The following RFC3 variants were observed in gnomAD, a reference collection of about 807,000 sequenced individuals.
The protein encoded by RFC3 is A1 38 kDa subunit.
Under a neutral mutation model 45.1 loss-of-function variants are expected in RFC3, and 41 were observed. The ratio of observed to expected loss-of-function variants is 0.91; its 90% CI spans 0.71 to 1.18. RFC3 has a LOEUF of 1.18. Ranked by LOEUF, RFC3 falls within the 50% of genes most tolerant of loss-of-function variation. The pLI, the probability that RFC3 is intolerant of heterozygous loss-of-function variation, is 0.00. For synonymous variants in RFC3, 149 were observed against 144.0 expected, an observed-to-expected ratio of 1.03 and a Z score of -0.25; for missense variants, 423 against 428.1, an observed-to-expected ratio of 0.99 and a Z score of 0.10.
intron 8 of RFC3, among the ~76,000 whole-genome samples, chr13:33,865,620 T>G (rs1278466360): frequency 6.6e-6 from 1 of 152,228 alleles, no homozygotes; most frequent in African/African-American, 2.4e-5. Context: ...TCAACCCATT[T>G]ATCATTGTAG....
chr13:33,931,187 A>G (rs552869196), intron 8 of RFC3, among the ~76,000 whole-genome samples: 2 of 152,268 alleles, frequency 1.3e-5, no homozygotes, highest in East Asian at 1.9e-4. Context: ...AGAATTTTCA[A>G]GAGCTGATGT....
chr13:33,934,494 G>A (rs2082873502), intron 8 of RFC3, among the ~76,000 whole-genome samples: 2 of 152,090 alleles, frequency 1.3e-5, no homozygotes, highest in Non-Finnish European at 2.9e-5. Flanking sequence ...GTCTTGGCTT[G>A]GGTTCCTATC....
chr13:33,897,340 A>G (rs1328241842), intron 8 of RFC3, among the ~76,000 whole-genome samples: 1 of 151,898 alleles, frequency 6.6e-6, no homozygotes, highest in African/African-American at 2.4e-5. Flanking sequence ...TAAGTCATCA[A>G]CTCTTTAAAA....
chr13:33,831,343 A>G lies in RFC3; in HGVS notation c.798A>G (p.Gln266=), dbSNP rs879096417. Reference sequence around the variant, plus strand: ...CTGCAAATGCTATTGTCAGTCAGCAAACTCCACAAAGGTACCAGTATAAAA... The same window carrying G: ...CTGCAAATGCTATTGTCAGTCAGCAGACTCCACAAAGGTACCAGTATAAAA... The part of the protein sequence containing the change: ...RETANAIVSQ[Q]TPQRLLEVRG... The change falls in exon 7 of 9, where the codon CAA becomes CAG. Residue 266 remains glutamine, a synonymous_variant. Coordinates refer to ENST00000380071, the MANE Select transcript of RFC3 (RefSeq NM_002915.4). 14 of 1,582,166 alleles carry G rather than the reference A, an allele frequency of 8.8e-6. No homozygotes were observed. The highest frequency in any genetic ancestry group is 1.1e-5 in the South Asian group (1 of 90,416).
intron 8 of RFC3, among the ~76,000 whole-genome samples, chr13:33,908,835 G>A (rs1238946033): frequency 2.0e-5 from 3 of 152,014 alleles, no homozygotes; most frequent in Non-Finnish European, 2.9e-5. Flanking sequence ...GACCCAAGAA[G>A]AGCCAAAGTT....
intron 4 of RFC3, among the ~76,000 whole-genome samples, chr13:33,826,722 T>C (rs1448810148): frequency 6.6e-6 from 1 of 152,158 alleles, no homozygotes; most frequent in Admixed American, 6.5e-5. Context: ...TCTCTTACTG[T>C]TTTTAATTGT....
chr13:33,973,791 C>T, the RFC3 span, among the ~76,000 whole-genome samples: 1 of 151,948 alleles, frequency 6.6e-6, no homozygotes, highest in African/African-American at 2.4e-5. Context: ...GCTGGGATTA[C>T]AGGAATGCAC....
Position 33,836,000 on chromosome 13 carries a change from T to C in RFC3, c.880-104T>C, listed in dbSNP as rs41546912. On this transcript the variant is annotated intron_variant, in intron 8 of 8. Coordinates refer to ENST00000380071, the MANE Select transcript of RFC3 (RefSeq NM_002915.4). ...TAAAAAATTAAAGATCTCACACATA[T>C]AAAGAGAGTATGTTTAACTTTAGTC... The C allele has an allele frequency of 2.1e-3, 2,543 of 1,187,932 alleles. 8 individuals are homozygous for C. The highest frequency in any genetic ancestry group is 6.1e-3 in the Middle Eastern group (26 of 4,244). 73.6% of individuals were successfully genotyped at this position (1,187,932 alleles called of 1,614,324 possible).
At chr13:33,912,342 A>G (rs970513931) in intron 8 of RFC3, among the ~76,000 whole-genome samples, 1 of 152,114 alleles carries the variant, frequency 6.6e-6, no homozygotes, top group African/African-American at 2.4e-5. Context: ...TGACAAGTAA[A>G]TAAGTGACTG....
In RFC3 at chr13:33,826,538, A is replaced by T. The variant is rs192914028; in HGVS notation, c.391+652A>T. Among the ~76,000 whole-genome samples the T allele has an allele frequency of 7.2e-5, 11 of 152,160 alleles. No individual in the cohort carries two copies. The East Asian group carries it at 1.9e-3, about 27-fold the overall frequency. ...ATTGCTCATTTTTATTGTTTTGTGA[A>T]TTCGCTGTACATATTCTCAGCTGAT... On this transcript the variant is annotated intron_variant, in intron 4 of 8. Transcript: ENST00000380071.
At chr13:33,903,149 T>C (rs918459383) in intron 8 of RFC3, among the ~76,000 whole-genome samples, 4 of 152,030 alleles carry the variant, frequency 2.6e-5, no homozygotes, top group African/African-American at 9.7e-5. Context: ...CAAATCCCGG[T>C]TACTCTCTCT....
chr13:33,911,704 T>C (rs948549411), intron 8 of RFC3, among the ~76,000 whole-genome samples: 21 of 152,022 alleles, frequency 1.4e-4, no homozygotes, highest in African/African-American at 4.8e-4. Flanking sequence ...AACCCACTCT[T>C]GAGGGAACTA....
rs550335295 is a variant in RFC3, at chr13:33,821,748, G to A, written c.225+479G>A. 4.6e-5 allele frequency among the ~76,000 whole-genome samples: 7 copies of A among 152,348 alleles called. No individual in the cohort carries two copies. In the South Asian group the frequency reaches 1.4e-3, roughly 32 times the overall value. On this transcript the variant is annotated intron_variant, in intron 2 of 8. Transcript: ENST00000380071. ...TCTGTGATCTTGCCCTTGCCAAGATGTCCAGCTGCATACCGTGTAGCACAT... is the reference window on the plus strand; with the variant it reads ...TCTGTGATCTTGCCCTTGCCAAGATATCCAGCTGCATACCGTGTAGCACAT...
chr13:33,831,881 AT>A (rs1247632765), intron 7 of RFC3, among the ~76,000 whole-genome samples: 2 of 152,158 alleles, frequency 1.3e-5, no homozygotes, highest in Non-Finnish European at 2.9e-5. Context: ...GTACTTTTGC[AT>A]TTGTTGTGAA....
intron 8 of RFC3, among the ~76,000 whole-genome samples, chr13:33,935,613 A>G (rs950680724): frequency 6.6e-6 from 1 of 152,178 alleles, no homozygotes; most frequent in African/African-American, 2.4e-5. Context: ...AGGTTGTAAG[A>G]TGAGAGAACT....
chr13:33,885,107 T>C (rs1479373605), intron 8 of RFC3, among the ~76,000 whole-genome samples: 2 of 152,132 alleles, frequency 1.3e-5, no homozygotes, highest in Non-Finnish European at 2.9e-5. Flanking sequence ...GCCCACAAAG[T>C]TGATTAGTCG....
chr13:33,872,771 A>C (rs889637915), intron 8 of RFC3, among the ~76,000 whole-genome samples: 20 of 145,820 alleles, frequency 1.4e-4, no homozygotes, highest in African/African-American at 4.8e-4. Flanking sequence ...ACAAAACAGA[A>C]CAAAAAAAGA....
At chr13:33,827,282 A>G (rs546203982) in intron 4 of RFC3, among the ~76,000 whole-genome samples, 25 of 152,206 alleles carry the variant, frequency 1.6e-4, no homozygotes, top group Admixed American at 1.1e-3. Flanking sequence ...GAGCGAGACT[A>G]TATCTCCAAA....
At chr13:33,954,097 A>G (rs1456365286) in intron 8 of RFC3, among the ~76,000 whole-genome samples, 2 of 152,230 alleles carry the variant, frequency 1.3e-5, no homozygotes, top group Non-Finnish European at 2.9e-5. Context: ...CTCCCAATCC[A>G]GAAAATAATT....
Sources: gnomAD v4.1 joint callset for allele counts (sites outside exome capture counted in the v4.1 genomes callset) on GRCh38, gnomAD v4.1.1 for gene constraint, MANE v1.5 for transcripts, NCBI Gene and HGNC (gene_info 2026-07-23, HGNC 2026-07-21) for gene names.